CTNNA3: variants seen among roughly 807,000 people sequenced by gnomAD.
CTNNA3 encodes the protein catenin alpha 3.
Under a neutral mutation model 95.7 loss-of-function variants are expected in CTNNA3, and 76 were observed. The observed-to-expected ratio is 0.79, with a 90% CI of 0.66 to 0.96. CTNNA3 has a LOEUF of 0.96. Ranked by LOEUF, CTNNA3 falls within the 40% of genes least tolerant of loss-of-function variation. The pLI is 0.00. For synonymous variants in CTNNA3, 431 were observed against 374.4 expected, an observed-to-expected ratio of 1.15 and a Z score of -1.74; for missense variants, 1,191 against 1,089.8, an observed-to-expected ratio of 1.09 and a Z score of -1.31.
chr10:66,517,627 C>G (rs1840910563), intron 11 of CTNNA3, among the ~76,000 whole-genome samples: 1 of 152,084 alleles, frequency 6.6e-6, no homozygotes, highest in African/African-American at 2.4e-5. Flanking sequence ...CAAGAAATAA[C>G]CATAAAAATG....
intron 9 of CTNNA3, among the ~76,000 whole-genome samples, chr10:66,746,368 T>C (rs1838873364): frequency 6.6e-6 from 1 of 152,192 alleles, no homozygotes. Context: ...TACTATCTTC[T>C]AACAGTGTGA....
At position 67,231,349 on chromosome 10, in the gene CTNNA3, T is replaced by C. The variant is rs57894695; in HGVS notation, c.580-11479A>G. On this transcript the variant is annotated intron_variant, in intron 5 of 17. Coordinates refer to ENST00000433211, the MANE Select transcript of CTNNA3 (RefSeq NM_013266.4). ...ATCTGAGAACCAGCAGACTGCCTCCTCAAGTGGGTCCCTCACCCTTGACCC... is the reference window on the plus strand; with the variant it reads ...ATCTGAGAACCAGCAGACTGCCTCCCCAAGTGGGTCCCTCACCCTTGACCC... Among the ~76,000 whole-genome samples the C allele has an allele frequency of 9.8e-3, 1,487 of 152,318 alleles. 30 individuals are homozygous for C. Among genetic ancestry groups the C allele is most frequent in the African/African-American group, 0.034 (1,398 of 41,562 alleles).
intron 11 of CTNNA3, among the ~76,000 whole-genome samples, chr10:66,399,949 A>T (rs890834852): frequency 1.3e-5 from 2 of 152,056 alleles, no homozygotes; most frequent in African/African-American, 4.8e-5. Flanking sequence ...TTGTCAAAAC[A>T]GCAAACTTAG....
chr10:66,933,120 A>G (rs1225245592), intron 7 of CTNNA3, among the ~76,000 whole-genome samples: 1 of 152,230 alleles, frequency 6.6e-6, no homozygotes, highest in Non-Finnish European at 1.5e-5. Flanking sequence ...TTAGTGAGAT[A>G]CTGAGTGGGG....
intron 5 of CTNNA3, among the ~76,000 whole-genome samples, chr10:67,463,729 T>C (rs1847469104): frequency 6.6e-6 from 1 of 152,236 alleles, no homozygotes. Context: ...ATTTTCTCTA[T>C]AGGCTTTGCA....
intron 5 of CTNNA3, among the ~76,000 whole-genome samples, chr10:67,417,392 C>A (rs1306897855): frequency 3.3e-5 from 5 of 152,116 alleles, no homozygotes; most frequent in African/African-American, 1.2e-4. Flanking sequence ...ACCTCGGCAT[C>A]ATGCAATATT....
chr10:66,358,506 G>A (rs1298500396), intron 12 of CTNNA3, among the ~76,000 whole-genome samples: 1 of 152,138 alleles, frequency 6.6e-6, no homozygotes, highest in African/African-American at 2.4e-5. Context: ...AAGAGTTAGG[G>A]AAAGGTATAC....
At chr10:67,047,856 G>T (rs1002997125) in intron 7 of CTNNA3, among the ~76,000 whole-genome samples, 2 of 151,850 alleles carry the variant, frequency 1.3e-5, no homozygotes, top group African/African-American at 4.8e-5. Flanking sequence ...CCTGCTCTTA[G>T]TTCAATGTCA....
At chr10:65,928,564 T>C (rs562856186) in intron 17 of CTNNA3, among the ~76,000 whole-genome samples, 3 of 152,334 alleles carry the variant, frequency 2.0e-5, no homozygotes, top group African/African-American at 7.2e-5. Context: ...GGCATATGAA[T>C]AAGTTACTGG....
At chr10:66,500,080 C>T (rs1840229476) in intron 11 of CTNNA3, among the ~76,000 whole-genome samples, 1 of 151,840 alleles carries the variant, frequency 6.6e-6, no homozygotes, top group Non-Finnish European at 1.5e-5. Flanking sequence ...GGATTACAGG[C>T]GTGAGCCACT....
At chr10:67,733,038 T>G (rs989331619) in intron 1 of CTNNA3, among the ~76,000 whole-genome samples, 1 of 152,108 alleles carries the variant, frequency 6.6e-6, no homozygotes, top group Admixed American at 6.6e-5. Flanking sequence ...ATGTGAATAG[T>G]AGCAGCTGCA....
upstream of CTNNA3, among the ~76,000 whole-genome samples, chr10:67,696,414 T>C (rs1201813426): frequency 6.6e-6 from 1 of 152,158 alleles, no homozygotes; most frequent in Admixed American, 6.5e-5. Flanking sequence ...GCTGGAATTA[T>C]TGAAAGTGAA....
chr10:66,841,678 A>G (rs559831959), intron 7 of CTNNA3, among the ~76,000 whole-genome samples: 11 of 152,332 alleles, frequency 7.2e-5, no homozygotes, highest in Admixed American at 1.3e-4. Flanking sequence ...ATTTTGTTGA[A>G]TCAAAGCATT....
rs574925556 is a variant in CTNNA3, at chr10:67,079,587, T to C, written c.1047+100730A>G. ...AGTCACAGCCCAGCGCGGTGGCTCA[T>C]GCCTGTAATCCCAGCATGTTGGGAG... is the stretch of plus-strand genomic sequence containing the variant. On this transcript the variant is annotated intron_variant, in intron 7 of 17. Transcript: ENST00000433211. 9.9e-5 allele frequency among the ~76,000 whole-genome samples: 15 copies of C among 152,208 alleles called. No individual in the cohort carries two copies. The South Asian group carries it at 1.7e-3, about 17-fold the overall frequency.
Position 66,967,594 on chromosome 10 carries a change from C to T in CTNNA3, c.1048-192070G>A, listed in dbSNP as rs141221115. Among the ~76,000 whole-genome samples, 508 of 151,922 alleles carry T rather than the reference C, an allele frequency of 3.3e-3. 3 individuals carry two copies. The highest frequency in any genetic ancestry group is 9.8e-3 in the African/African-American group (405 of 41,434). On this transcript the variant is annotated intron_variant, in intron 7 of 17. Transcript: ENST00000433211. ...ATGCAAATGATACAACCATATGAGG[C>T]GGGACTATGTAAAACAGTCCATTAA...
At chr10:66,775,410 A>G (rs769449645) in intron 8 of CTNNA3, 34 bp downstream of exon 8, 53 of 1,407,164 alleles carry the variant, frequency 3.8e-5, no homozygotes, top group Non-Finnish European at 5.0e-5. Flanking sequence ...TTTAGCCCCT[A>G]TGTTTCTGAC....
At chr10:66,178,112 T>A (rs1337516701) in intron 13 of CTNNA3, among the ~76,000 whole-genome samples, 1 of 151,630 alleles carries the variant, frequency 6.6e-6, no homozygotes, top group Non-Finnish European at 1.5e-5. Context: ...TGATTTTGAA[T>A]CCTTTTTTCA....
chr10:67,194,903 T>A (rs915737149), intron 6 of CTNNA3, among the ~76,000 whole-genome samples: 1 of 151,892 alleles, frequency 6.6e-6, no homozygotes, highest in African/African-American at 2.4e-5. Flanking sequence ...AAGAAAAAAA[T>A]TAGTATTACA....
intron 5 of CTNNA3, among the ~76,000 whole-genome samples, chr10:67,380,366 A>T (rs1229561249): frequency 6.6e-6 from 1 of 152,230 alleles, no homozygotes; most frequent in Non-Finnish European, 1.5e-5. Flanking sequence ...CTTTTCATGA[A>T]AGATTATTCA....
Sources: allele counts gnomAD v4.1 joint callset (sites outside exome capture counted in the v4.1 genomes callset), GRCh38; gene constraint gnomAD v4.1.1; transcripts MANE v1.5; gene names NCBI Gene and HGNC (gene_info 2026-07-23, HGNC 2026-07-21).